Variants in ANKFN1 observed in about 807,000 individuals in gnomAD.
ANKFN1 encodes the protein ankyrin repeat and fibronectin type-III domain-containing protein 1.
A neutral mutation model predicts 108.7 loss-of-function variants in ANKFN1; 74 were observed. That is an observed-to-expected ratio of 0.68 (90% CI 0.56 to 0.83). ANKFN1 has a LOEUF of 0.83. ANKFN1 is among the 40% of genes least tolerant of loss of function. The pLI, the probability that ANKFN1 is intolerant of heterozygous loss-of-function variation, is 0.00. For synonymous variants in ANKFN1, 547 were observed against 516.2 expected, an observed-to-expected ratio of 1.06 and a Z score of -0.81; for missense variants, 1,505 against 1,382.3, an observed-to-expected ratio of 1.09 and a Z score of -1.41.
chr17:56,486,283 T>A (rs1331093753), intron 18 of ANKFN1, among the ~76,000 whole-genome samples: 3 of 152,204 alleles, frequency 2.0e-5, no homozygotes, highest in Non-Finnish European at 4.4e-5. Context: ...AAAAGACCAC[T>A]TGGTTGGGCT....
intron 3 of ANKFN1, among the ~76,000 whole-genome samples, chr17:56,234,857 G>T (rs757686910): frequency 1.3e-5 from 2 of 151,908 alleles, no homozygotes; most frequent in Non-Finnish European, 2.9e-5. Context: ...CATTCCTCTG[G>T]GTATGTACCC....
chr17:56,115,770 T>C (rs1313468571), intron 4 of ANKFN1, among the ~76,000 whole-genome samples: 3 of 152,138 alleles, frequency 2.0e-5, no homozygotes, highest in Non-Finnish European at 4.4e-5. Flanking sequence ...AAAGGATAAT[T>C]TTGAATGACT....
intron 3 of ANKFN1, among the ~76,000 whole-genome samples, chr17:56,264,740 CT>C (rs1461805284): frequency 2.0e-5 from 3 of 152,164 alleles, no homozygotes; most frequent in Non-Finnish European, 4.4e-5. Flanking sequence ...AAATGGCAGT[CT>C]ACTTGGGCTT....
At chr17:56,317,681 G>A (rs1483698043) in intron 3 of ANKFN1, among the ~76,000 whole-genome samples, 1 of 152,142 alleles carries the variant, frequency 6.6e-6, no homozygotes, top group South Asian at 2.1e-4. Context: ...CCATGGCTGG[G>A]ATGGGGCTTG....
intron 3 of ANKFN1, among the ~76,000 whole-genome samples, chr17:56,322,645 A>G: frequency 6.6e-6 from 1 of 152,164 alleles, no homozygotes; most frequent in Non-Finnish European, 1.5e-5. Flanking sequence ...CCTTGACACT[A>G]TGCCGTGACG....
chr17:56,166,879 A>T (rs927609568), intron 1 of ANKFN1, among the ~76,000 whole-genome samples: 4 of 152,082 alleles, frequency 2.6e-5, no homozygotes, highest in Admixed American at 6.6e-5. Flanking sequence ...TAGATTATAA[A>T]CTCCTGAAAT....
At chr17:56,415,805 T>G (rs1004361100) in intron 8 of ANKFN1, among the ~76,000 whole-genome samples, 1 of 152,206 alleles carries the variant, frequency 6.6e-6, no homozygotes, top group African/African-American at 2.4e-5. Context: ...TTTACCTAAC[T>G]TCAAATTATA....
At chr17:56,385,618 T>A (rs993437011) in intron 8 of ANKFN1, among the ~76,000 whole-genome samples, 19 of 151,888 alleles carry the variant, frequency 1.3e-4, no homozygotes, top group Admixed American at 4.6e-4. Flanking sequence ...TCAAACAAAT[T>A]TACAAGAAAA....
intron 3 of ANKFN1, among the ~76,000 whole-genome samples, chr17:56,248,686 G>A (rs943929820): frequency 1.3e-5 from 2 of 152,142 alleles, no homozygotes; most frequent in African/African-American, 2.4e-5. Flanking sequence ...ATGACTCTAC[G>A]CAGAGATTAC....
At chr17:56,328,187 TC>T (rs1307542312) in intron 4 of ANKFN1, among the ~76,000 whole-genome samples, 1 of 152,218 alleles carries the variant, frequency 6.6e-6, no homozygotes, top group Non-Finnish European at 1.5e-5. Flanking sequence ...AGTATTTTTT[TC>T]AGAGGGTAGT....
chr17:56,423,999 TTAC>T (rs1203988546), intron 8 of ANKFN1, among the ~76,000 whole-genome samples: 1 of 152,104 alleles, frequency 6.6e-6, no homozygotes, highest in African/African-American at 2.4e-5. Flanking sequence ...AATGCAGTAA[TTAC>T]TATTACTGAA....
chr17:56,371,684 G>A (rs1001554929), intron 6 of ANKFN1, among the ~76,000 whole-genome samples: 1 of 152,070 alleles, frequency 6.6e-6, no homozygotes, highest in Non-Finnish European at 1.5e-5. Flanking sequence ...AACCAGGTGG[G>A]GCTCTGAAGT....
intron 8 of ANKFN1, among the ~76,000 whole-genome samples, chr17:56,404,688 C>T (rs569834913): frequency 1.3e-5 from 2 of 152,166 alleles, no homozygotes; most frequent in Admixed American, 1.3e-4. Context: ...TTGGTTTGGA[C>T]CCATTGCTGG....
intron 1 of ANKFN1, among the ~76,000 whole-genome samples, chr17:56,161,448 A>G (rs1909648800): frequency 6.6e-6 from 1 of 152,212 alleles, no homozygotes; most frequent in Admixed American, 6.5e-5. Flanking sequence ...GTAGGTACTC[A>G]ATAAATACTT....
chr17:56,439,409 T>C (rs750167380), intron 8 of ANKFN1, among the ~76,000 whole-genome samples: 1 of 151,842 alleles, frequency 6.6e-6, no homozygotes, highest in African/African-American at 2.4e-5. Flanking sequence ...TACTTTTTAC[T>C]GATGATGCAC....
intron 8 of ANKFN1, among the ~76,000 whole-genome samples, chr17:56,395,038 T>G (rs893977407): frequency 6.6e-6 from 1 of 152,144 alleles, no homozygotes; most frequent in African/African-American, 2.4e-5. Flanking sequence ...GTACTTCCCT[T>G]TGGGAGGTTG....
chr17:56,387,757 G>T (rs941622241), intron 8 of ANKFN1, among the ~76,000 whole-genome samples: 26 of 152,084 alleles, frequency 1.7e-4, no homozygotes, highest in Admixed American at 5.9e-4. Flanking sequence ...CATGCAGTTT[G>T]ACTTGATTTC....
At chr17:56,270,513 C>T (rs1191837626) in intron 3 of ANKFN1, among the ~76,000 whole-genome samples, 1 of 152,214 alleles carries the variant, frequency 6.6e-6, no homozygotes, top group Admixed American at 6.5e-5. Flanking sequence ...ACCTCTAGAT[C>T]CTGGCAACCC....
At chr17:56,160,033 T>C (rs1255796920) in intron 1 of ANKFN1, among the ~76,000 whole-genome samples, 4 of 152,150 alleles carry the variant, frequency 2.6e-5, no homozygotes, top group Non-Finnish European at 5.9e-5. Context: ...CAGGGCAAAA[T>C]AGTCAGGGTA....
Sources: allele counts gnomAD v4.1 joint callset (sites outside exome capture counted in the v4.1 genomes callset), GRCh38; gene constraint gnomAD v4.1.1; transcripts MANE v1.5; gene names NCBI Gene and HGNC (gene_info 2026-07-23, HGNC 2026-07-21).